Variants in CFDP1 observed in about 807,000 individuals in gnomAD.
CFDP1 encodes heterochromatin-stabilizing protein CFDP1.
CFDP1 carries 31 observed loss-of-function variants against 40.1 expected under a neutral mutation model. The observed-to-expected ratio is 0.77, with a 90% CI of 0.58 to 1.04. CFDP1 has a LOEUF of 1.04. Ranked by LOEUF, CFDP1 falls within the 50% of genes least tolerant of loss-of-function variation. CFDP1 has a pLI of 0.00. For missense variants in CFDP1, 423 were observed against 343.4 expected, an observed-to-expected ratio of 1.23 and a Z score of -1.83; for synonymous variants, 167 against 120.0, an observed-to-expected ratio of 1.39 and a Z score of -2.56.
intron 5 of CFDP1, among the ~76,000 whole-genome samples, chr16:75,308,376 A>C (rs2078272211): frequency 6.6e-6 from 1 of 152,172 alleles, no homozygotes; most frequent in Non-Finnish European, 1.5e-5. Context: ...TCACTTCCCA[A>C]ATAAACTCCC....
intron 5 of CFDP1, among the ~76,000 whole-genome samples, chr16:75,368,124 T>C (rs563479033): frequency 6.6e-6 from 1 of 152,122 alleles, no homozygotes; most frequent in South Asian, 2.1e-4. Context: ...GATTTAACGG[T>C]CAAATGGAAT....
chr16:75,402,406 C>A (rs912699020), intron 4 of CFDP1, among the ~76,000 whole-genome samples: 2 of 152,208 alleles, frequency 1.3e-5, no homozygotes, highest in Admixed American at 6.5e-5. Context: ...CTAACTGGCT[C>A]AGCTGGTTAT....
chr16:75,417,102 T>G (rs1365292071), intron 1 of CFDP1, among the ~76,000 whole-genome samples: 1 of 151,650 alleles, frequency 6.6e-6, no homozygotes, highest in Non-Finnish European at 1.5e-5. Flanking sequence ...ACCCAGGAGG[T>G]CAAGGCTGAA....
intron 6 of CFDP1, among the ~76,000 whole-genome samples, chr16:75,295,442 T>A (rs935832728): frequency 6.6e-6 from 1 of 152,316 alleles, no homozygotes; most frequent in African/African-American, 2.4e-5. Context: ...GACTGTTGTG[T>A]GGATTAAATA....
chr16:75,386,165 G>C (rs1041213137), intron 5 of CFDP1, among the ~76,000 whole-genome samples: 14 of 152,086 alleles, frequency 9.2e-5, no homozygotes, highest in African/African-American at 3.1e-4. Flanking sequence ...GATCCTGATA[G>C]ACATCTGGCT....
intron 5 of CFDP1, among the ~76,000 whole-genome samples, chr16:75,343,378 G>A (rs557224145): frequency 3.9e-5 from 6 of 151,954 alleles, no homozygotes; most frequent in Non-Finnish European, 5.9e-5. Context: ...TCAAGGAGTC[G>A]TGGAACAGCC....
intron 1 of CFDP1, among the ~76,000 whole-genome samples, chr16:75,425,061 A>C (rs2079321838): frequency 1.3e-5 from 2 of 152,176 alleles, no homozygotes; most frequent in African/African-American, 4.8e-5. Flanking sequence ...ACAATTAGAA[A>C]TAAAAACTTT....
intron 6 of CFDP1, among the ~76,000 whole-genome samples, chr16:75,294,579 G>A (rs1408317100): frequency 6.6e-6 from 1 of 152,202 alleles, no homozygotes; most frequent in Non-Finnish European, 1.5e-5. Context: ...TGCAGTGAAG[G>A]TGAAGTGAGC....
intron 5 of CFDP1, among the ~76,000 whole-genome samples, chr16:75,323,984 A>T (rs2078385070): frequency 6.6e-6 from 1 of 152,220 alleles, no homozygotes; most frequent in African/African-American, 2.4e-5. Context: ...AAATGAAGAT[A>T]ATAAGAACTA....
intron 1 of CFDP1, among the ~76,000 whole-genome samples, chr16:75,419,530 C>T (rs1378015153): frequency 6.6e-6 from 1 of 152,132 alleles, no homozygotes; most frequent in Non-Finnish European, 1.5e-5. Flanking sequence ...GCTGGGTGTG[C>T]CAGAGGCATC....
chr16:75,427,540 C>T (rs1304654001), intron 1 of CFDP1, among the ~76,000 whole-genome samples: 21 of 152,022 alleles, frequency 1.4e-4, no homozygotes, highest in Admixed American at 1.3e-3. Context: ...CATGAGCCAC[C>T]GCGCTCGGCC....
chr16:75,419,388 T>C (rs1241769993), intron 1 of CFDP1, among the ~76,000 whole-genome samples: 1 of 152,214 alleles, frequency 6.6e-6, no homozygotes, highest in East Asian at 1.9e-4. Flanking sequence ...AGGAAAGCTA[T>C]ACTTTACAGA....
intron 6 of CFDP1, among the ~76,000 whole-genome samples, chr16:75,300,880 C>G (rs981031650): frequency 2.6e-5 from 4 of 151,816 alleles, no homozygotes; most frequent in African/African-American, 7.3e-5. Flanking sequence ...CTGCCCAGGG[C>G]CCAGCCCTGG....
chr16:75,405,791 C>T (rs1283345283), intron 4 of CFDP1, among the ~76,000 whole-genome samples: 1 of 147,724 alleles, frequency 6.8e-6, no homozygotes, highest in Non-Finnish European at 1.5e-5. Flanking sequence ...TGGTGGTATG[C>T]ACCTGCAGTC....
intron 4 of CFDP1, among the ~76,000 whole-genome samples, chr16:75,403,242 A>T (rs1399401039): frequency 1.3e-5 from 2 of 152,138 alleles, no homozygotes; most frequent in East Asian, 3.8e-4. Flanking sequence ...TTTTTGAGAC[A>T]GGGTCTCACT....
In CFDP1 at chr16:75,393,527, C is replaced by T. The variant is rs150013103; in HGVS notation, c.650+1563G>A. Among the ~76,000 whole-genome samples, 446 of 151,872 alleles carry T rather than the reference C, an allele frequency of 2.9e-3. 1 individual carries two copies. The highest frequency in any genetic ancestry group is 0.01 in the African/African-American group (423 of 41,376). ...GGGGTGGATCATGAGGTCAGGAGATCGAGACCATCCTGGCTAACAAGGTGA... is the reference window on the plus strand; with the variant it reads ...GGGGTGGATCATGAGGTCAGGAGATTGAGACCATCCTGGCTAACAAGGTGA... On this transcript the variant is annotated intron_variant, in intron 5 of 6. Transcript: ENST00000283882.
At chr16:75,297,174 G>GTGTGTC (rs2078189276) in intron 6 of CFDP1, among the ~76,000 whole-genome samples, 2 of 149,830 alleles carry the variant, frequency 1.3e-5, no homozygotes, top group African/African-American at 5.0e-5. Flanking sequence ...GTCTGTGTGT[G>GTGTGTC]TGTGTGTGTG....
rs141110233 is a variant in CFDP1, at chr16:75,423,021, CTGTAA to C, written c.65-8331_65-8327del. On this transcript the variant is annotated intron_variant, in intron 1 of 6. Transcript: ENST00000283882. ...TTAGGCCGGGCGCAGTGGCTCACGCCTGTAATCCCAGCACTTTGGGAGGCCGAGGT... is the reference window on the plus strand; with the variant it reads ...TTAGGCCGGGCGCAGTGGCTCACGCCTCCCAGCACTTTGGGAGGCCGAGGT... Among the ~76,000 whole-genome samples, 993 of 152,168 alleles carry C rather than the reference CTGTAA, an allele frequency of 6.5e-3. 6 individuals carry two copies. The highest frequency in any genetic ancestry group is 9.8e-3 in the Non-Finnish European group (664 of 68,000).
chr16:75,356,907 CTTTCT>C (rs558501130), intron 5 of CFDP1, among the ~76,000 whole-genome samples: 2,191 of 38,428 alleles, frequency 0.057, 33 homozygotes, highest in African/African-American at 0.11. Context: ...CAGCTGCTTT[CTTTCT>C]TTTTTTTTTT....
Sources: gnomAD v4.1 joint callset for allele counts (sites outside exome capture counted in the v4.1 genomes callset) on GRCh38, gnomAD v4.1.1 for gene constraint, MANE v1.5 for transcripts, NCBI Gene and HGNC (gene_info 2026-07-23, HGNC 2026-07-21) for gene names.